Variants in ATXN7L1 observed in about 807,000 individuals in gnomAD.
The protein encoded by ATXN7L1 is ataxin 7 like 1.
ATXN7L1 carries 15 observed loss-of-function variants against 70.8 expected under a neutral mutation model. The observed-to-expected ratio is 0.21, with a 90% CI of 0.14 to 0.33. ATXN7L1 has a LOEUF of 0.33. ATXN7L1 is among the 10% of genes least tolerant of loss of function. ATXN7L1 has a pLI of 1.00. For missense variants in ATXN7L1, 975 were observed against 1,097.1 expected, an observed-to-expected ratio of 0.89 and a Z score of 1.57; for synonymous variants, 440 against 445.1, an observed-to-expected ratio of 0.99 and a Z score of 0.14.
intron 4 of ATXN7L1, among the ~76,000 whole-genome samples, chr7:105,660,658 C>G (rs1047276804): frequency 9.3e-5 from 13 of 139,212 alleles, no homozygotes; most frequent in Non-Finnish European, 1.2e-4. Context: ...TGTTGGCTCA[C>G]TGCAACCTCC....
At chr7:105,873,636 A>G (rs1818602603) in intron 2 of ATXN7L1, among the ~76,000 whole-genome samples, 1 of 152,248 alleles carries the variant, frequency 6.6e-6, no homozygotes, top group Admixed American at 6.5e-5. Flanking sequence ...GCCTGTGAAC[A>G]AAGAGATTTC....
At chr7:105,635,995 G>T (rs769985015) in intron 7 of ATXN7L1, among the ~76,000 whole-genome samples, 1 of 152,094 alleles carries the variant, frequency 6.6e-6, no homozygotes, top group Non-Finnish European at 1.5e-5. Context: ...AATTGCAGGG[G>T]ATCTTGTCCT....
At chr7:105,612,568 C>T (rs1222852267) in intron 10 of ATXN7L1, among the ~76,000 whole-genome samples, 1 of 152,156 alleles carries the variant, frequency 6.6e-6, no homozygotes, top group African/African-American at 2.4e-5. Context: ...CGGTGGCACC[C>T]ACCAGCAGTT....
At chr7:105,840,569 G>A (rs892297886) in intron 2 of ATXN7L1, among the ~76,000 whole-genome samples, 4 of 152,070 alleles carry the variant, frequency 2.6e-5, no homozygotes, top group South Asian at 2.1e-4. Flanking sequence ...GCAACACCCC[G>A]GCTCCCAGCT....
rs759494254 is a variant in ATXN7L1 at position 105,788,679 on chromosome 7, G to A, written c.280C>T (p.His94Tyr). Reference sequence around the variant, plus strand: ...CACACTACGAGATAGAAGTCGTCATGTGCTGGGTAATGGCCAAATAAGTGC... The same window carrying A: ...CACACTACGAGATAGAAGTCGTCATATGCTGGGTAATGGCCAAATAAGTGC... ...DMHLFGHYPA[H>Y]DDFYLVVCSA... The change falls in exon 3 of 12, where the codon CAT becomes TAT. Residue 94 changes from histidine (H) to tyrosine (Y), a missense_variant. Physicochemically the swap from His to Tyr is moderately conservative, Grantham distance 83. Transcript: ENST00000419735. 6.1e-5 allele frequency: 99 copies of A among 1,613,930 alleles called. No homozygotes were observed. The Middle Eastern group carries it at 9.9e-4, about 16-fold the overall frequency.
At chr7:105,808,600 G>A (rs1031169782) in intron 2 of ATXN7L1, among the ~76,000 whole-genome samples, 1 of 152,228 alleles carries the variant, frequency 6.6e-6, no homozygotes, top group African/African-American at 2.4e-5. Context: ...TAAGCAGAGA[G>A]AATTCCTTGT....
chr7:105,755,687 TAGTG>T (rs1485008568), intron 3 of ATXN7L1, among the ~76,000 whole-genome samples: 1 of 152,162 alleles, frequency 6.6e-6, no homozygotes, highest in African/African-American at 2.4e-5. Context: ...ATTTCCCTCT[TAGTG>T]AGAAAAGTGA....
chr7:105,652,431 C>T (rs948699083), intron 4 of ATXN7L1, among the ~76,000 whole-genome samples: 6 of 152,152 alleles, frequency 3.9e-5, no homozygotes, highest in African/African-American at 1.2e-4. Context: ...CTGCAGGGAG[C>T]GCTGGTGCAG....
chr7:105,726,663 C>T (rs1436019615), intron 3 of ATXN7L1, among the ~76,000 whole-genome samples: 1 of 152,132 alleles, frequency 6.6e-6, no homozygotes, highest in East Asian at 1.9e-4. Context: ...CCTAGTCCAG[C>T]CCTTAGGAGA....
At chr7:105,791,397 C>T (rs1295153496) in intron 2 of ATXN7L1, among the ~76,000 whole-genome samples, 5 of 152,122 alleles carry the variant, frequency 3.3e-5, no homozygotes, top group Non-Finnish European at 7.4e-5. Flanking sequence ...AGGCGGGAGG[C>T]CTGTGGGAAG....
intron 2 of ATXN7L1, among the ~76,000 whole-genome samples, chr7:105,798,383 A>G (rs1226552156): frequency 6.6e-6 from 1 of 152,102 alleles, no homozygotes; most frequent in Admixed American, 6.5e-5. Context: ...ACTGTGTGTG[A>G]TCCTGGGCCT....
chr7:105,679,900 T>C (rs1381501432), intron 3 of ATXN7L1, among the ~76,000 whole-genome samples: 3 of 151,996 alleles, frequency 2.0e-5, no homozygotes, highest in African/African-American at 7.3e-5. Context: ...TGGTTAATTT[T>C]CTGTGATGCA....
At chr7:105,738,629 A>C (rs1015355905) in intron 3 of ATXN7L1, among the ~76,000 whole-genome samples, 5 of 152,150 alleles carry the variant, frequency 3.3e-5, no homozygotes, top group Non-Finnish European at 7.3e-5. Context: ...GATTTTTCCA[A>C]GACTACACAA....
At chr7:105,861,264 G>C (rs2116655481) in intron 2 of ATXN7L1, among the ~76,000 whole-genome samples, 1 of 152,322 alleles carries the variant, frequency 6.6e-6, no homozygotes, top group Middle Eastern at 3.4e-3. Flanking sequence ...GGAGTGCTGA[G>C]AGGTTTTCAC....
At chr7:105,670,638 G>T (rs1009641890) in intron 3 of ATXN7L1, among the ~76,000 whole-genome samples, 1 of 150,544 alleles carries the variant, frequency 6.6e-6, no homozygotes, top group Non-Finnish European at 1.5e-5. Flanking sequence ...CTACTCTCTT[G>T]CTGTCTACCT....
chr7:105,639,841 G>C (rs1797915591), intron 5 of ATXN7L1, among the ~76,000 whole-genome samples: 1 of 152,214 alleles, frequency 6.6e-6, no homozygotes, highest in Admixed American at 6.5e-5. Flanking sequence ...TCGGGGAATA[G>C]GGCGGGAGCA....
chr7:105,875,632 C>CCCA (rs1554490231), intron 2 of ATXN7L1, among the ~76,000 whole-genome samples, 180 bp downstream of exon 2: 2 of 123,214 alleles, frequency 1.6e-5, no homozygotes, highest in Non-Finnish European at 3.5e-5. Flanking sequence ...CCTTTACCCC[C>CCCA]CCCCCAGTTG....
At chr7:105,631,259 C>T (rs1433041857) in intron 7 of ATXN7L1, among the ~76,000 whole-genome samples, 2 of 152,064 alleles carry the variant, frequency 1.3e-5, no homozygotes, top group Non-Finnish European at 2.9e-5. Flanking sequence ...TATTAACTAA[C>T]GGGAAAGGAA....
chr7:105,711,429 C>G (rs1331789987), intron 3 of ATXN7L1, among the ~76,000 whole-genome samples: 2 of 152,204 alleles, frequency 1.3e-5, no homozygotes, highest in Non-Finnish European at 2.9e-5. Flanking sequence ...ACCTGTGAGT[C>G]TGTAAAATCA....
Sources: allele counts gnomAD v4.1 joint callset (sites outside exome capture counted in the v4.1 genomes callset), GRCh38; gene constraint gnomAD v4.1.1; transcripts MANE v1.5; gene names NCBI Gene and HGNC (gene_info 2026-07-23, HGNC 2026-07-21).